Variants in CYP2U1 observed in about 807,000 individuals in gnomAD.
The protein encoded by CYP2U1 is cytochrome P450 family 2 subfamily U member 1.
In CYP2U1, 28 loss-of-function variants were observed where a neutral mutation model predicts 42.8. That is an observed-to-expected ratio of 0.65 (90% confidence interval 0.48 to 0.90). The LOEUF is 0.90. CYP2U1 is among the 40% of genes least tolerant of loss of function. The pLI is 0.00. For synonymous variants in CYP2U1, 296 were observed against 278.9 expected, an observed-to-expected ratio of 1.06 and a Z score of -0.61; for missense variants, 642 against 693.8, an observed-to-expected ratio of 0.93 and a Z score of 0.84.
At chr4:107,947,201 C>A (rs1420606067) in intron 2 of CYP2U1, among the ~76,000 whole-genome samples, 175 bp from the exon 3 acceptor site, 1 of 152,150 alleles carries the variant, frequency 6.6e-6, no homozygotes, top group Non-Finnish European at 1.5e-5. Context: ...CACCCTGGGG[C>A]TAGCTGTCTC....
intron 4 of CYP2U1, 143 bp from the exon 5 acceptor site, chr4:107,950,102 T>C: frequency 1.4e-6 from 1 of 721,196 alleles, no homozygotes; most frequent in Non-Finnish European, 2.3e-6. Context: ...TGGGAGGCTA[T>C]GTGGTATATA....
rs1457330812 is a variant in CYP2U1 at position 107,950,671 on chromosome 4, A to G, written c.*248A>G. 3 of 351,872 alleles carry G rather than the reference A, an allele frequency of 8.5e-6. No homozygotes were observed. In the East Asian group the frequency reaches 1.4e-4, roughly 16 times the overall value. The allele number at this position is 351,872 out of a possible 1,614,324, so 21.8% of individuals were successfully genotyped here. A position where few individuals can be genotyped will look rare whatever the true frequency, so the allele number is the denominator to read the frequency against. On this transcript the variant is annotated 3_prime_UTR_variant, in exon 5 of 5. Transcript: ENST00000332884. The stretch of plus-strand genomic sequence containing the variant: ...GAAAACAAAGTACCTATGAAACGGG[A>G]TATCTGGATTTTACTTGCAGTGGCT...
chr4:107,947,566 C>T lies in CYP2U1; in HGVS notation c.1288+29C>T, dbSNP rs146020871. 7.5e-4 allele frequency: 1,216 copies of T among 1,611,258 alleles called. 5 individuals carry two copies. The Middle Eastern group carries it at 0.014, about 18-fold the overall frequency. On this transcript the variant is annotated intron_variant, in intron 3 of 4. Coordinates refer to ENST00000332884, the MANE Select transcript of CYP2U1 (RefSeq NM_183075.3). ...AGTCCAGGGTCTTCCTCTTTGAATG[C>T]CCTTGACGGAAGCAGGGCCCTCTAA... is the stretch of plus-strand genomic sequence containing the variant.
rs1733966135 is a variant in CYP2U1, at chr4:107,953,120, T to C, written c.*2697T>C. The stretch of plus-strand genomic sequence containing the variant: ...ACTAATAACTCAGCATTAACAAGTA[T>C]ATTACTCCTTAAATTATACATGCAT... On this transcript the variant is annotated 3_prime_UTR_variant, in exon 5 of 5. Transcript: ENST00000332884. 1 of 152,224 alleles carries C rather than the reference T, an allele frequency of 6.6e-6. No individual in the cohort carries two copies. Among genetic ancestry groups the C allele is most frequent in the South Asian group, 2.1e-4 (1 of 4,836 alleles). The allele number at this position is 152,224 out of a possible 1,614,324, so 9.4% of individuals were successfully genotyped here. A position where few individuals can be genotyped will look rare whatever the true frequency, so the allele number is the denominator to read the frequency against.
In CYP2U1 at chr4:107,952,301, A is replaced by G. The variant is rs889415214; in HGVS notation, c.*1878A>G. ...CACTGGACTTTTGTGTTTACCATTT[A>G]AAACAACCATTTTAAACAAACTTAG... On this transcript the variant is annotated 3_prime_UTR_variant, in exon 5 of 5. Coordinates refer to ENST00000332884, the MANE Select transcript of CYP2U1 (RefSeq NM_183075.3). 1 of 152,236 alleles carries G rather than the reference A, an allele frequency of 6.6e-6. No homozygotes were observed. The allele number at this position is 152,236 out of a possible 1,614,324, so 9.4% of individuals were successfully genotyped here.
In CYP2U1 at chr4:107,945,432, TAG is replaced by T; in HGVS notation, c.955_956del (p.Asp319HisfsTer13). The T allele has an allele frequency of 1.2e-6, 2 of 1,614,102 alleles. No individual in the cohort carries two copies. The highest frequency in any genetic ancestry group is 2.2e-5 in the South Asian group (2 of 91,080). ...GATAGAGAGAACCCTCAGGACTTCATAGACATGTACCTTCTCCACATGGAAGA... is the reference window on the plus strand; with the variant it reads ...GATAGAGAGAACCCTCAGGACTTCATACATGTACCTTCTCCACATGGAAGA... On this transcript the variant is annotated frameshift_variant, in exon 2 of 5. Coordinates refer to ENST00000332884, the MANE Select transcript of CYP2U1 (RefSeq NM_183075.3). LOFTEE classifies it high-confidence loss of function.
chr4:107,944,209 T>A (rs996935352), intron 1 of CYP2U1, among the ~76,000 whole-genome samples: 9 of 152,192 alleles, frequency 5.9e-5, no homozygotes, highest in Non-Finnish European at 1.0e-4. Context: ...TGTGCCCTCA[T>A]GTCAATCTGT....
rs1560701036 is a variant in CYP2U1 at position 107,945,260 on chromosome 4, ATCTG to A, written c.786_789del (p.Cys262Ter). On this transcript the variant is annotated frameshift_variant, in exon 2 of 5. Transcript: ENST00000332884. LOFTEE classifies it high-confidence loss of function. ...TGGTTTTATGTCACGAGGCCTAGAAATCTGTCTGAACAGTCAAGTCCTCCTGGTC... is the reference window on the plus strand; with the variant it reads ...TGGTTTTATGTCACGAGGCCTAGAAATCTGAACAGTCAAGTCCTCCTGGTC... 1 of 1,614,000 alleles carries A rather than the reference ATCTG, an allele frequency of 6.2e-7. No individual in the cohort carries two copies. Among genetic ancestry groups the A allele is most frequent in the Admixed American group, 1.7e-5 (1 of 59,988 alleles).
Position 107,952,914 on chromosome 4 carries a change from T to C in CYP2U1, c.*2491T>C, listed in dbSNP as rs1381115829. 1 of 152,226 alleles carries C rather than the reference T, an allele frequency of 6.6e-6. No homozygotes were observed. Among genetic ancestry groups the C allele is most frequent in the Non-Finnish European group, 1.5e-5 (1 of 68,038 alleles). The allele number at this position is 152,226 out of a possible 1,614,324, so 9.4% of individuals were successfully genotyped here. On this transcript the variant is annotated 3_prime_UTR_variant, in exon 5 of 5. Transcript: ENST00000332884. ...GATAAATGAAATACAGGCTAATCTT[T>C]AGGTGTCTTAGGAATTTTTGCTTTT...
chr4:107,932,423 C>G (rs974945793), intron 1 of CYP2U1, among the ~76,000 whole-genome samples: 1 of 152,180 alleles, frequency 6.6e-6, no homozygotes, highest in African/African-American at 2.4e-5. Context: ...GACAAGGTGG[C>G]AAGCCAGGTT....
chr4:107,950,453 G>T lies in CYP2U1; in HGVS notation c.*30G>T. ...CATCTCCAAGAAGAGATGGTAAAAA[G>T]ATATATAAATACATATCCTTCTAAG... On this transcript the variant is annotated 3_prime_UTR_variant, in exon 5 of 5. Transcript: ENST00000332884. 1.6e-5 allele frequency: 25 copies of T among 1,580,660 alleles called. No individual in the cohort carries two copies. Among genetic ancestry groups the T allele is most frequent in the Non-Finnish European group, 2.1e-5 (24 of 1,167,322 alleles).
intron 1 of CYP2U1, among the ~76,000 whole-genome samples, chr4:107,932,916 A>T (rs1417529076): frequency 6.6e-6 from 1 of 152,068 alleles, no homozygotes; most frequent in Non-Finnish European, 1.5e-5. Flanking sequence ...CCTTCACTAC[A>T]CTTTTCAAAA....
rs117578657 is a variant in CYP2U1, at chr4:107,935,076, G to A, written c.490+2943G>A. On this transcript the variant is annotated intron_variant, in intron 1 of 4. Transcript: ENST00000332884. ...TTCGTGCATACAAGCATCTATTGAT[G>A]TATGTATCACATTTTATTGTAATTT... 1.3e-4 allele frequency among the ~76,000 whole-genome samples: 20 copies of A among 152,330 alleles called. No individual in the cohort carries two copies. In the East Asian group the frequency reaches 3.9e-3, roughly 29 times the overall value.
In CYP2U1 at chr4:107,950,679, A is replaced by G; in HGVS notation, c.*256A>G. The G allele has an allele frequency of 3.0e-6, 1 of 333,844 alleles. No individual in the cohort carries two copies. The highest frequency in any genetic ancestry group is 4.9e-5 in the East Asian group (1 of 20,282). 20.7% of individuals were successfully genotyped at this position (333,844 alleles called of 1,614,324 possible). A position where few individuals can be genotyped will look rare whatever the true frequency, so the allele number is the denominator to read the frequency against. On this transcript the variant is annotated 3_prime_UTR_variant, in exon 5 of 5. Transcript: ENST00000332884. ...AGTACCTATGAAACGGGATATCTGG[A>G]TTTTACTTGCAGTGGCTTCCACCGA...
chr4:107,944,736 C>A lies in CYP2U1; in HGVS notation c.491-234C>A, dbSNP rs17038239. ...TTACTAACTATAATAAGCTTTAGAGCAAATTCTCCTTAGATATGATTTTTG... is the reference window on the plus strand; with the variant it reads ...TTACTAACTATAATAAGCTTTAGAGAAAATTCTCCTTAGATATGATTTTTG... On this transcript the variant is annotated intron_variant, in intron 1 of 4. Coordinates refer to ENST00000332884, the MANE Select transcript of CYP2U1 (RefSeq NM_183075.3). Among the ~76,000 whole-genome samples the A allele has an allele frequency of 0.018, 2,694 of 148,350 alleles. 27 individuals are homozygous for A. The highest frequency in any genetic ancestry group is 0.023 in the African/African-American group (946 of 40,482).
At position 107,949,332 on chromosome 4, in the gene CYP2U1, T is replaced by C; in HGVS notation, c.1289-18T>C. 1.3e-6 allele frequency: 2 copies of C among 1,489,104 alleles called. No homozygotes were observed. Among genetic ancestry groups the C allele is most frequent in the Non-Finnish European group, 1.8e-6 (2 of 1,114,596 alleles). The allele number at this position is 1,489,104 out of a possible 1,614,324, so 92.2% of individuals were successfully genotyped here. A position where few individuals can be genotyped will look rare whatever the true frequency, so the allele number is the denominator to read the frequency against. On this transcript the variant is annotated intron_variant, in intron 3 of 4. Transcript: ENST00000332884. ...AAAAGCATACTGAATAACACCCATA[T>C]GTTTCCTTTTGTTTTAGTGCTCCAA...
At position 107,932,087 on chromosome 4, in the gene CYP2U1, C is replaced by T; in HGVS notation, c.444C>T (p.Ser148=). ...EALVQQAEVF[S]DRPRVPLISI... ...TGGTGCAGCAGGCCGAGGTCTTCAG[C>T]GACCGCCCGCGGGTGCCGCTCATCT... The change falls in exon 1 of 5, where the codon AGC becomes AGT. Residue 148 remains serine (S), a synonymous_variant. Coordinates refer to ENST00000332884, the MANE Select transcript of CYP2U1 (RefSeq NM_183075.3). 1.3e-6 allele frequency: 2 copies of T among 1,596,410 alleles called. No homozygotes were observed. The highest frequency in any genetic ancestry group is 2.3e-5 in the South Asian group (2 of 88,026).
At chr4:107,945,647 A>G in intron 2 of CYP2U1, 42 bp downstream of exon 2, 1 of 1,522,074 alleles carries the variant, frequency 6.6e-7, no homozygotes, top group Non-Finnish European at 8.8e-7. Flanking sequence ...AAAACCAGGT[A>G]ATTTAAATGA....
intron 1 of CYP2U1, among the ~76,000 whole-genome samples, chr4:107,941,719 T>C (rs1383788906): frequency 6.6e-6 from 1 of 152,024 alleles, no homozygotes; most frequent in Non-Finnish European, 1.5e-5. Flanking sequence ...GAGCTTTAAA[T>C]TATTTATTAA....
Sources: allele counts gnomAD v4.1 joint callset (sites outside exome capture counted in the v4.1 genomes callset), GRCh38; gene constraint gnomAD v4.1.1; transcripts MANE v1.5; gene names NCBI Gene and HGNC (gene_info 2026-07-23, HGNC 2026-07-21).